THSD7A: variants seen among roughly 807,000 people sequenced by gnomAD.
THSD7A encodes the protein thrombospondin type 1 domain containing 7A.
THSD7A carries 96 observed loss-of-function variants against 231.3 expected under a neutral mutation model. The observed-to-expected ratio is 0.41, with a 90% CI of 0.35 to 0.49. The LOEUF (loss-of-function observed/expected upper bound fraction) is 0.49, where lower values mean the gene tolerates loss of function less well. THSD7A is among the 20% of genes least tolerant of loss of function. The pLI is 0.05. For missense variants in THSD7A, 2,290 were observed against 2,070.2 expected, an observed-to-expected ratio of 1.11 and a Z score of -2.06; for synonymous variants, 940 against 743.3, an observed-to-expected ratio of 1.26 and a Z score of -4.30.
intron 13 of THSD7A, among the ~76,000 whole-genome samples, chr7:11,429,538 C>T (rs1285790936): frequency 6.6e-6 from 1 of 152,200 alleles, no homozygotes; most frequent in Non-Finnish European, 1.5e-5. Flanking sequence ...ATGCAACGTT[C>T]TTTCTTAAGA....
At chr7:11,808,804 A>G (rs929641912) in intron 1 of THSD7A, among the ~76,000 whole-genome samples, 15 of 152,164 alleles carry the variant, frequency 9.9e-5, no homozygotes, top group South Asian at 2.1e-4. Context: ...GGAATGCACC[A>G]TAAGGAATAA....
At chr7:11,651,979 A>G (rs1339869344) in intron 1 of THSD7A, among the ~76,000 whole-genome samples, 2 of 152,012 alleles carry the variant, frequency 1.3e-5, no homozygotes, top group Non-Finnish European at 2.9e-5. Flanking sequence ...CATAAAATGA[A>G]GTGAAGTTAA....
At chr7:11,496,789 G>C (rs1787120333) in intron 6 of THSD7A, among the ~76,000 whole-genome samples, 1 of 152,134 alleles carries the variant, frequency 6.6e-6, no homozygotes, top group South Asian at 2.1e-4. Context: ...ACAATGAAAT[G>C]TTCTTGAAAC....
chr7:11,695,675 C>T (rs779883396), intron 1 of THSD7A, among the ~76,000 whole-genome samples: 3 of 151,424 alleles, frequency 2.0e-5, no homozygotes, highest in South Asian at 2.1e-4. Context: ...GAAAACTAAA[C>T]GGAGTAATTG....
intron 1 of THSD7A, among the ~76,000 whole-genome samples, chr7:11,799,644 A>T (rs370276322): frequency 6.6e-6 from 1 of 152,204 alleles, no homozygotes; most frequent in African/African-American, 2.4e-5. Context: ...AAAGCAGTCA[A>T]CTGTATTGTT....
At chr7:11,790,199 C>CTA (rs1389597908) in intron 1 of THSD7A, among the ~76,000 whole-genome samples, 21 of 151,808 alleles carry the variant, frequency 1.4e-4, no homozygotes, top group African/African-American at 4.8e-4. Context: ...TCAGCTAATG[C>CTA]TATATTGTTC....
chr7:11,768,986 C>G (rs1303439371), intron 1 of THSD7A, among the ~76,000 whole-genome samples: 1 of 149,218 alleles, frequency 6.7e-6, no homozygotes, highest in East Asian at 2.0e-4. Context: ...GAGATGGACT[C>G]TCATTCTGTT....
intron 16 of THSD7A, among the ~76,000 whole-genome samples, chr7:11,423,213 T>TA (rs1784208038): frequency 6.6e-6 from 1 of 152,158 alleles, no homozygotes; most frequent in Non-Finnish European, 1.5e-5. Flanking sequence ...CATAAAATTA[T>TA]ATATAGGTCC....
At chr7:11,434,152 G>C (rs533143032) in intron 13 of THSD7A, among the ~76,000 whole-genome samples, 59 of 151,970 alleles carry the variant, frequency 3.9e-4, no homozygotes, top group Middle Eastern at 3.4e-3. Flanking sequence ...ACAATCATGG[G>C]GGATGGAAAG....
intron 4 of THSD7A, among the ~76,000 whole-genome samples, chr7:11,575,489 T>C (rs935984338): frequency 7.2e-5 from 11 of 152,254 alleles, no homozygotes; most frequent in Admixed American, 6.5e-4. Flanking sequence ...CCTTTCAATT[T>C]CCATTTGAGG....
At chr7:11,682,991 A>G (rs1783925100) in intron 1 of THSD7A, among the ~76,000 whole-genome samples, 1 of 151,790 alleles carries the variant, frequency 6.6e-6, no homozygotes, top group Admixed American at 6.6e-5. Context: ...GCACGGTGGC[A>G]GGTGTCCATA....
chr7:11,816,659 G>A (rs544454130), intron 1 of THSD7A, among the ~76,000 whole-genome samples: 1 of 152,096 alleles, frequency 6.6e-6, no homozygotes, highest in Non-Finnish European at 1.5e-5. Context: ...TTATGAGTGG[G>A]TTATTGAGGA....
At chr7:11,591,492 G>C (rs1780162487) in intron 3 of THSD7A, among the ~76,000 whole-genome samples, 1 of 152,134 alleles carries the variant, frequency 6.6e-6, no homozygotes, top group Admixed American at 6.6e-5. Flanking sequence ...TTAGTAATCA[G>C]ATGAACAGCC....
intron 2 of THSD7A, among the ~76,000 whole-genome samples, chr7:11,594,197 C>T (rs1176670739): frequency 6.6e-6 from 1 of 152,198 alleles, no homozygotes; most frequent in Non-Finnish European, 1.5e-5. Flanking sequence ...AGTTGTGGAA[C>T]TCATACTGGC....
At chr7:11,820,103 G>A (rs1364585833) in intron 1 of THSD7A, among the ~76,000 whole-genome samples, 1 of 146,314 alleles carries the variant, frequency 6.8e-6, no homozygotes, top group Non-Finnish European at 1.5e-5. Context: ...CCGCTCAAGA[G>A]CTGGGCCTGA....
chr7:11,604,963 T>G (rs547520977), intron 2 of THSD7A, among the ~76,000 whole-genome samples: 2 of 152,020 alleles, frequency 1.3e-5, no homozygotes, highest in Non-Finnish European at 2.9e-5. Flanking sequence ...CTGGGACTCA[T>G]GTTACTGCTG....
chr7:11,561,516 A>T lies in THSD7A; in HGVS notation c.1454-18399T>A, dbSNP rs975986214. On this transcript the variant is annotated intron_variant, in intron 4 of 27. Coordinates refer to ENST00000423059, the MANE Select transcript of THSD7A (RefSeq NM_015204.3). ...CACTTACATGGCATTTACTAAAGAA[A>T]TTATTTTAGTCCTCACAGAAATCTC... 2.0e-5 allele frequency among the ~76,000 whole-genome samples: 3 copies of T among 152,184 alleles called. No individual in the cohort carries two copies. The South Asian group carries it at 6.2e-4, about 31-fold the overall frequency.
chr7:11,597,455 C>A (rs567657986), intron 2 of THSD7A, among the ~76,000 whole-genome samples: 6 of 152,308 alleles, frequency 3.9e-5, no homozygotes, highest in Non-Finnish European at 7.3e-5. Context: ...GCTGTGCAAG[C>A]TGCTCTGCCA....
chr7:11,558,959 C>A (rs753671614), intron 4 of THSD7A, among the ~76,000 whole-genome samples: 3 of 142,778 alleles, frequency 2.1e-5, no homozygotes, highest in Admixed American at 1.5e-4. Context: ...TTCTCGAGTG[C>A]GTTAGAAAGA....
Sources: allele counts gnomAD v4.1 joint callset (sites outside exome capture counted in the v4.1 genomes callset), GRCh38; gene constraint gnomAD v4.1.1; transcripts MANE v1.5; gene names NCBI Gene and HGNC (gene_info 2026-07-23, HGNC 2026-07-21).